Variants in KCNMA1 observed in about 807,000 individuals in gnomAD.
The protein encoded by KCNMA1 is Calcium-activated potassium channel subunit alpha-1.
In KCNMA1, 29 loss-of-function variants were observed where a neutral mutation model predicts 140.0. That is an observed-to-expected ratio of 0.21 (90% CI 0.15 to 0.28). The LOEUF (loss-of-function observed/expected upper bound fraction) is 0.28, where lower values mean the gene tolerates loss of function less well. Among genes scored for constraint, KCNMA1 ranks in the 10% least tolerant of loss-of-function variants. KCNMA1 has a pLI of 1.00. For synonymous variants in KCNMA1, 612 were observed against 611.9 expected (o/e 1.00, Z 0.00); for missense variants, 880 against 1,602.2 (o/e 0.55, Z 7.70).
intron 1 of KCNMA1, chr10:77,498,868 T>C (rs1375549999): frequency 6.6e-6 from 1 of 152,082 alleles, no homozygotes; most frequent in Non-Finnish European, 1.5e-5. Context: ...ATTATCATCA[T>C]GGCCAAGAGC....
intron 2 of KCNMA1, among the ~76,000 whole-genome samples, chr10:77,298,072 C>G (rs534193734): frequency 6.6e-6 from 1 of 152,108 alleles, no homozygotes; most frequent in Admixed American, 6.5e-5. Flanking sequence ...ACATTTATAT[C>G]CAAACCAGAT....
chr10:76,960,618 GTTTTTTTTTTTTTT>G (rs55685324), intron 20 of KCNMA1, among the ~76,000 whole-genome samples: 175 of 59,358 alleles, frequency 2.9e-3, no homozygotes, highest in Non-Finnish European at 4.3e-3. Context: ...TTATGGTTTT[GTTTTTTTTTTTTTT>G]TTTTTTTTTT....
intron 1 of KCNMA1, among the ~76,000 whole-genome samples, chr10:77,465,002 C>T (rs1452414143): frequency 6.6e-6 from 1 of 152,156 alleles, no homozygotes; most frequent in Admixed American, 6.5e-5. Context: ...GGGTAGGTAA[C>T]AAAGGAATAG....
chr10:77,046,030 G>T (rs2095033589), intron 14 of KCNMA1, among the ~76,000 whole-genome samples: 1 of 152,094 alleles, frequency 6.6e-6, no homozygotes, highest in African/African-American at 2.4e-5. Flanking sequence ...AAAAACCAAT[G>T]ACCATTATGT....
At chr10:77,104,079 G>A (rs922169968) in intron 9 of KCNMA1, among the ~76,000 whole-genome samples, 1 of 152,234 alleles carries the variant, frequency 6.6e-6, no homozygotes, top group Non-Finnish European at 1.5e-5. Flanking sequence ...TGTCAGGCAA[G>A]TTACTTAACC....
intron 2 of KCNMA1, among the ~76,000 whole-genome samples, chr10:77,280,692 T>C (rs916959153): frequency 1.1e-3 from 81 of 72,976 alleles, no homozygotes; most frequent in Non-Finnish European, 7.9e-4. Flanking sequence ...ATGCCTGGCT[T>C]TTTTTTTTTT....
At chr10:76,902,090 C>G (rs567685570) in intron 25 of KCNMA1, 3 of 152,266 alleles carry the variant, frequency 2.0e-5, no homozygotes, top group South Asian at 2.1e-4. Flanking sequence ...GGGCACTTCA[C>G]GGAGCATTCA....
At chr10:77,213,698 C>T (rs960279301) in intron 3 of KCNMA1, among the ~76,000 whole-genome samples, 2 of 152,138 alleles carry the variant, frequency 1.3e-5, no homozygotes, top group Admixed American at 1.3e-4. Context: ...TGCTGGCCTC[C>T]CAGGTCCTTG....
intron 23 of KCNMA1, chr10:76,939,866 T>C (rs1424246765): frequency 3.9e-5 from 6 of 152,274 alleles, no homozygotes; most frequent in Non-Finnish European, 7.3e-5. Flanking sequence ...GTTCTCATCT[T>C]TTTGAACCAC....
chr10:77,289,462 G>A (rs2607801), intron 2 of KCNMA1, among the ~76,000 whole-genome samples: 71,355 of 152,032 alleles, frequency 0.47, 18,087 homozygotes, highest in Non-Finnish European at 0.57. Context: ...GTTACCAAGG[G>A]CCCACAAGGT....
intron 5 of KCNMA1, among the ~76,000 whole-genome samples, chr10:77,123,681 C>G (rs772616458): frequency 2.6e-5 from 4 of 152,124 alleles, no homozygotes; most frequent in Non-Finnish European, 4.4e-5. Context: ...GTGCCAAATC[C>G]TATATGCATT....
intron 27 of KCNMA1, among the ~76,000 whole-genome samples, chr10:76,889,058 C>CA (rs2038708292): frequency 1.5e-5 from 1 of 68,946 alleles, no homozygotes; most frequent in Non-Finnish European, 2.8e-5. Flanking sequence ...CACTCCATCT[C>CA]AAAAAACAAA....
chr10:77,336,510 G>A (rs2089088636), intron 2 of KCNMA1, among the ~76,000 whole-genome samples: 1 of 151,982 alleles, frequency 6.6e-6, no homozygotes, highest in Non-Finnish European at 1.5e-5. Context: ...AATCAGTCTT[G>A]CCTGACAGTA....
chr10:77,434,346 T>C (rs1281595057), intron 1 of KCNMA1, among the ~76,000 whole-genome samples: 1 of 152,172 alleles, frequency 6.6e-6, no homozygotes, highest in African/African-American at 2.4e-5. Flanking sequence ...AAAGGAGGTA[T>C]CTTGTTCTGG....
chr10:76,952,499 G>C (rs1241251763), intron 21 of KCNMA1, among the ~76,000 whole-genome samples: 5 of 152,304 alleles, frequency 3.3e-5, no homozygotes, highest in Admixed American at 3.3e-4. Flanking sequence ...CCTGGCGACA[G>C]AGCGAGACTC....
chr10:76,915,315 G>T (rs1213646677), intron 23 of KCNMA1, among the ~76,000 whole-genome samples: 1 of 151,998 alleles, frequency 6.6e-6, no homozygotes. Flanking sequence ...ATAGATCTTG[G>T]CTCCCATCTC....
chr10:77,282,866 A>G (rs1000334957), intron 2 of KCNMA1, among the ~76,000 whole-genome samples: 1 of 152,150 alleles, frequency 6.6e-6, no homozygotes, highest in Admixed American at 6.5e-5. Flanking sequence ...TCAAAACAGA[A>G]TTTCTTTGCT....
intron 9 of KCNMA1, among the ~76,000 whole-genome samples, chr10:77,099,757 T>C (rs1168822138): frequency 6.6e-6 from 1 of 150,592 alleles, no homozygotes; most frequent in Non-Finnish European, 1.5e-5. Flanking sequence ...AAAGAAGGCA[T>C]GATACGAGGC....
chr10:77,150,288 T>C (rs1449280028), intron 5 of KCNMA1, among the ~76,000 whole-genome samples: 1 of 152,320 alleles, frequency 6.6e-6, no homozygotes, highest in South Asian at 2.1e-4. Context: ...AGGCCAGCCC[T>C]GTCTTCCTTC....
Sources: allele counts gnomAD v4.1 joint callset (sites outside exome capture counted in the v4.1 genomes callset), GRCh38; gene constraint gnomAD v4.1.1; transcripts MANE v1.5; gene names NCBI Gene and HGNC (gene_info 2026-07-23, HGNC 2026-07-21).